TSHZ2: variants seen among roughly 807,000 people sequenced by gnomAD.
The protein encoded by TSHZ2 is teashirt zinc finger homeobox 2, also known as teashirt homolog 2.
In TSHZ2, 21 loss-of-function variants were observed where a neutral mutation model predicts 74.4. The ratio of observed to expected loss-of-function variants is 0.28; its 90% CI spans 0.20 to 0.41. TSHZ2 has a LOEUF of 0.41. Ranked by LOEUF, TSHZ2 falls within the 10% of genes least tolerant of loss-of-function variation. TSHZ2 has a pLI of 1.00. For synonymous variants in TSHZ2, 540 were observed against 515.3 expected (o/e 1.05, Z -0.65); for missense variants, 1,244 against 1,293.5 (o/e 0.96, Z 0.59).
intron 1 of TSHZ2, among the ~76,000 whole-genome samples, chr20:53,174,909 A>G (rs1988290955): frequency 6.6e-6 from 1 of 152,164 alleles, no homozygotes. Context: ...AAAATAAAAG[A>G]AAAAATGAAT....
chr20:52,986,260 G>A (rs1350253301), intron 1 of TSHZ2, among the ~76,000 whole-genome samples: 9 of 151,970 alleles, frequency 5.9e-5, no homozygotes, highest in Admixed American at 3.3e-4. Flanking sequence ...TTAGCCGGGC[G>A]TGGTGGTGGC....
At chr20:53,038,314 C>T (rs944419996) in intron 1 of TSHZ2, among the ~76,000 whole-genome samples, 10 of 148,840 alleles carry the variant, frequency 6.7e-5, no homozygotes, top group African/African-American at 2.5e-4. Flanking sequence ...CATCAATAAG[C>T]CTTTGGGTTT....
intron 1 of TSHZ2, among the ~76,000 whole-genome samples, chr20:53,195,509 G>C (rs1053834521): frequency 1.3e-5 from 2 of 152,188 alleles, no homozygotes; most frequent in Admixed American, 1.3e-4. Context: ...GATGGTGCTT[G>C]AGGGGCTCAG....
chr20:52,995,955 G>A (rs541417107), intron 1 of TSHZ2, among the ~76,000 whole-genome samples: 1 of 152,196 alleles, frequency 6.6e-6, no homozygotes, highest in African/African-American at 2.4e-5. Context: ...TCGTAGACAA[G>A]TTATTTAACC....
intron 2 of TSHZ2, among the ~76,000 whole-genome samples, chr20:53,458,358 T>C (rs1246836501): frequency 6.6e-6 from 1 of 152,118 alleles, no homozygotes; most frequent in Non-Finnish European, 1.5e-5. Context: ...GAGGTGTTTG[T>C]AGTATTCTCT....
chr20:53,284,829 T>C (rs893995470), intron 2 of TSHZ2, among the ~76,000 whole-genome samples: 12 of 149,894 alleles, frequency 8.0e-5, no homozygotes, highest in African/African-American at 3.0e-4. Context: ...AAACGATTAA[T>C]GTCAGCAACT....
intron 1 of TSHZ2, among the ~76,000 whole-genome samples, chr20:53,219,487 ATTATTG>A (rs140240065): frequency 1.4e-3 from 209 of 152,344 alleles, no homozygotes; most frequent in African/African-American, 4.9e-3. Context: ...GATTGAGATA[ATTATTG>A]TTATTCATCT....
At chr20:53,006,595 G>A (rs531789097) in intron 1 of TSHZ2, among the ~76,000 whole-genome samples, 47 of 152,190 alleles carry the variant, frequency 3.1e-4, no homozygotes, top group Admixed American at 1.1e-3. Context: ...CATCTATGTT[G>A]CCAGATCTTT....
chr20:52,984,945 T>C (rs1981699362), intron 1 of TSHZ2, among the ~76,000 whole-genome samples: 1 of 152,212 alleles, frequency 6.6e-6, no homozygotes, highest in African/African-American at 2.4e-5. Context: ...CTTCTATTTT[T>C]CTCCTCCAGT....
chr20:53,219,234 C>A (rs1430034394), intron 1 of TSHZ2, among the ~76,000 whole-genome samples: 1 of 152,168 alleles, frequency 6.6e-6, no homozygotes, highest in Non-Finnish European at 1.5e-5. Flanking sequence ...TGTCCTCATC[C>A]ATCCATTTCT....
chr20:53,074,503 G>C lies in TSHZ2; in HGVS notation c.40+101170G>C, dbSNP rs575784508. Among the ~76,000 whole-genome samples, 2 of 152,278 alleles carry C rather than the reference G, an allele frequency of 1.3e-5. No individual in the cohort carries two copies. Among genetic ancestry groups the C allele is most frequent in the East Asian group, 3.9e-4 (2 of 5,186 alleles). On this transcript the variant is annotated intron_variant, in intron 1 of 2. Transcript: ENST00000371497. This position sits in a 1 kb window ranked among gnomAD's most constrained non-coding sequence, Gnocchi z 5.9. ...ATGTGTAAAAGGTAAAGGCAAACCA[G>C]ATTTTTTTAAAGCTTATGATTGTTG...
At chr20:53,378,570 G>T (rs1981745570) in intron 2 of TSHZ2, among the ~76,000 whole-genome samples, 1 of 152,008 alleles carries the variant, frequency 6.6e-6, no homozygotes, top group Non-Finnish European at 1.5e-5. Flanking sequence ...TTAAAACCCT[G>T]TGTAGTGTTT....
intron 1 of TSHZ2, among the ~76,000 whole-genome samples, chr20:53,214,844 A>G (rs936905076): frequency 6.6e-6 from 1 of 152,226 alleles, no homozygotes; most frequent in African/African-American, 2.4e-5. Context: ...TATTATTATT[A>G]TAATTAATCT....
At chr20:53,232,328 A>C (rs1391084296) in intron 1 of TSHZ2, among the ~76,000 whole-genome samples, 1 of 152,174 alleles carries the variant, frequency 6.6e-6, no homozygotes, top group East Asian at 1.9e-4. Context: ...TTTTGCATTT[A>C]ATCATCTAAT....
At chr20:53,034,384 G>A (rs935502679) in intron 1 of TSHZ2, among the ~76,000 whole-genome samples, 5 of 152,174 alleles carry the variant, frequency 3.3e-5, no homozygotes, top group African/African-American at 9.7e-5. Flanking sequence ...GCCCCATAGA[G>A]GTATTGAAAA....
intron 1 of TSHZ2, among the ~76,000 whole-genome samples, chr20:53,010,426 C>T (rs1982807671): frequency 6.6e-6 from 1 of 152,092 alleles, no homozygotes; most frequent in African/African-American, 2.4e-5. Context: ...AAAAACATGG[C>T]ACTAGTAACT....
chr20:53,064,328 C>T (rs1467454852), intron 1 of TSHZ2, among the ~76,000 whole-genome samples: 3 of 152,184 alleles, frequency 2.0e-5, no homozygotes, highest in Non-Finnish European at 4.4e-5. Context: ...GTAAGCTCCA[C>T]ATTTTATGTG....
chr20:52,998,585 C>T (rs752778492), intron 1 of TSHZ2, among the ~76,000 whole-genome samples: 6 of 152,222 alleles, frequency 3.9e-5, no homozygotes, highest in Admixed American at 1.3e-4. Context: ...AATCCACCCT[C>T]GCCAGTACAG....
At chr20:52,983,470 A>G (rs1008541865) in intron 1 of TSHZ2, among the ~76,000 whole-genome samples, 2 of 152,210 alleles carry the variant, frequency 1.3e-5, no homozygotes, top group Non-Finnish European at 2.9e-5. Flanking sequence ...ATATTTCCTG[A>G]TGAATGAATA....
Sources: allele counts gnomAD v4.1 joint callset (sites outside exome capture counted in the v4.1 genomes callset), GRCh38; gene constraint gnomAD v4.1.1; non-coding constraint Gnocchi (gnomAD v3.1); transcripts MANE v1.5; gene names NCBI Gene and HGNC (gene_info 2026-07-23, HGNC 2026-07-21).